Variants in PUM2 observed in about 807,000 individuals in gnomAD.
PUM2 encodes pumilio homolog 2.
In PUM2, 57 loss-of-function variants were observed where a neutral mutation model predicts 124.5. That is an observed-to-expected ratio of 0.46 (90% CI 0.37 to 0.57). The LOEUF is 0.57. Ranked by LOEUF, PUM2 falls within the 20% of genes least tolerant of loss-of-function variation. The pLI is 0.00. For missense variants in PUM2, 1,065 were observed against 1,290.6 expected, an observed-to-expected ratio of 0.83 and a Z score of 2.68; for synonymous variants, 460 against 446.1, an observed-to-expected ratio of 1.03 and a Z score of -0.39.
intron 8 of PUM2, among the ~76,000 whole-genome samples, chr2:20,295,398 C>T (rs1172672118): frequency 6.6e-6 from 1 of 152,016 alleles, no homozygotes; most frequent in Non-Finnish European, 1.5e-5. Context: ...CTCTCGGTTT[C>T]ACGTTGCATT....
At chr2:20,297,500 A>C (rs1675904114) in intron 8 of PUM2, 53 bp downstream of exon 8, 1 of 1,429,202 alleles carries the variant, frequency 7.0e-7, no homozygotes, top group South Asian at 1.5e-5. Flanking sequence ...TTACACCCAA[A>C]ACTAAATACA....
chr2:20,307,939 AC>A, intron 7 of PUM2, 38 bp downstream of exon 7: 1 of 1,587,812 alleles, frequency 6.3e-7, no homozygotes, highest in Non-Finnish European at 8.6e-7. Context: ...AGACATTTTA[AC>A]AAGACTTTGG....
intron 13 of PUM2, among the ~76,000 whole-genome samples, chr2:20,267,472 A>G (rs1022033315): frequency 6.6e-6 from 1 of 152,214 alleles, no homozygotes; most frequent in Admixed American, 6.5e-5. Context: ...TTTTCCCATT[A>G]GTCTCAAATT....
At chr2:20,281,521 T>A (rs1268862941) in intron 12 of PUM2, among the ~76,000 whole-genome samples, 1 of 152,214 alleles carries the variant, frequency 6.6e-6, no homozygotes, top group African/African-American at 2.4e-5. Flanking sequence ...ATTTAAAAAC[T>A]ATTTCCACAA....
At chr2:20,262,665 A>G (rs1480233420) in intron 14 of PUM2, among the ~76,000 whole-genome samples, 1 of 152,270 alleles carries the variant, frequency 6.6e-6, no homozygotes, top group Non-Finnish European at 1.5e-5. Context: ...TCTTAAATTT[A>G]TCAAATGTGT....
Position 20,258,285 on chromosome 2 carries a change from G to A in PUM2, c.2442C>T (p.Arg814=), listed in dbSNP as rs371849716. Residue 814 remains arginine, a synonymous_variant, in exon 16 of 21, where the codon CGC becomes CGT. Transcript: ENST00000361078. ...TAGATTCTAATGCTTTCTGAATAAC[G>A]CGGCAGCCATACATCTGCAAGGCTA... ...LPLALQMYGC[R]VIQKALESIS... is the part of the protein sequence containing the mutation. The A allele has an allele frequency of 1.1e-5, 17 of 1,610,718 alleles. No homozygotes were observed. Among genetic ancestry groups the A allele is most frequent in the Admixed American group, 3.3e-5 (2 of 59,868 alleles).
Position 20,251,698 on chromosome 2 carries a change from T to A in PUM2, c.3082A>T (p.Thr1028Ser). The A allele has an allele frequency of 6.2e-7, 1 of 1,613,042 alleles. No individual in the cohort carries two copies. Among genetic ancestry groups the A allele is most frequent in the East Asian group, 2.2e-5 (1 of 44,858 alleles). Residue 1028 changes from threonine (T) to serine (S), a missense_variant, in exon 21 of 21, where the codon ACT (threonine) becomes TCT (serine). Transcript: ENST00000361078. ...IMHKIRPHIT[T>S]LRKYTYGKHI... ...TTCCCGTATGTGTATTTGCGCAAAGTAGTAATGTGAGGTCGAATCTGAAAA... is the reference window on the plus strand; with the variant it reads ...TTCCCGTATGTGTATTTGCGCAAAGAAGTAATGTGAGGTCGAATCTGAAAA...
chr2:20,345,845 C>G (rs925666051), intron 1 of PUM2, among the ~76,000 whole-genome samples: 2 of 152,178 alleles, frequency 1.3e-5, no homozygotes, highest in Non-Finnish European at 2.9e-5. Context: ...GTACTCCAGC[C>G]TGGGCAACAA....
At chr2:20,318,148 C>T (rs1276907084) in intron 3 of PUM2, among the ~76,000 whole-genome samples, 4 of 152,134 alleles carry the variant, frequency 2.6e-5, no homozygotes, top group African/African-American at 9.7e-5. Context: ...TTTACATTTC[C>T]ACTAGTAGTG....
intron 15 of PUM2, 78 bp downstream of exon 15, chr2:20,260,259 C>G: frequency 1.5e-6 from 2 of 1,369,532 alleles, no homozygotes; most frequent in Non-Finnish European, 1.9e-6. Context: ...ATGACTTTAC[C>G]CAACTTTCAG....
chr2:20,264,358 AAAAAAAAAAATATAT>A (rs1667055844), intron 13 of PUM2, among the ~76,000 whole-genome samples: 2 of 84,288 alleles, frequency 2.4e-5, no homozygotes, highest in African/African-American at 4.9e-5. Flanking sequence ...AAAAAAAAAA[AAAAAAAAAAATATAT>A]ATATATATAT....
Position 20,278,727 on chromosome 2 carries a change from T to C in PUM2, c.1813A>G (p.Ile605Val), listed in dbSNP as rs767110525. The change falls in exon 13 of 21, where the codon ATA becomes GTA. Residue 605 changes from isoleucine to valine, a missense_variant. Coordinates refer to ENST00000361078, the MANE Select transcript of PUM2 (RefSeq NM_015317.5). ...YKRSSSSLAP[I>V]GQPFYNSLGF... ...AGACTATTGTAAAATGGTTGCCCTA[T>C]GGGTGCTAGGCTGCTACTAGATCTT... 6.2e-6 allele frequency: 10 copies of C among 1,613,614 alleles called. No individual in the cohort carries two copies. The highest frequency in any genetic ancestry group is 8.5e-6 in the Non-Finnish European group (10 of 1,179,696).
At chr2:20,306,458 A>G (rs1678317949) in intron 7 of PUM2, among the ~76,000 whole-genome samples, 1 of 152,178 alleles carries the variant, frequency 6.6e-6, no homozygotes, top group African/African-American at 2.4e-5. Context: ...TGTGCTGTCC[A>G]TGAATAGACA....
intron 1 of PUM2, among the ~76,000 whole-genome samples, chr2:20,345,082 C>T (rs1358098442): frequency 6.8e-6 from 1 of 147,722 alleles, no homozygotes; most frequent in Non-Finnish European, 1.5e-5. Flanking sequence ...GTCCACAGCA[C>T]TTTTTTCTTT....
Position 20,338,729 on chromosome 2 carries a change from G to T in PUM2, c.-18-11351C>A, listed in dbSNP as rs995713761. The stretch of plus-strand genomic sequence containing the variant: ...GGAATACTAAGGATATAGTAATAGG[G>T]AAGGGAAATGATATAATACAAATAT... On this transcript the variant is annotated intron_variant, in intron 1 of 20. Coordinates refer to ENST00000361078, the MANE Select transcript of PUM2 (RefSeq NM_015317.5). Among the ~76,000 whole-genome samples the T allele has an allele frequency of 2.0e-5, 3 of 152,174 alleles. No individual in the cohort carries two copies. The East Asian group carries it at 5.8e-4, about 29-fold the overall frequency.
chr2:20,259,122 G>A (rs1206571510), intron 15 of PUM2, among the ~76,000 whole-genome samples: 3 of 152,042 alleles, frequency 2.0e-5, no homozygotes, highest in East Asian at 1.9e-4. Flanking sequence ...TTTAAAAATT[G>A]GCTAAACTGT....
chr2:20,253,149 T>C (rs1401436895), intron 20 of PUM2, among the ~76,000 whole-genome samples: 3 of 152,198 alleles, frequency 2.0e-5, no homozygotes, highest in Non-Finnish European at 2.9e-5. Flanking sequence ...AAAAGAACAA[T>C]GTAAAACATA....
chr2:20,288,929 T>A (rs188195873), intron 10 of PUM2, among the ~76,000 whole-genome samples: 28 of 152,014 alleles, frequency 1.8e-4, no homozygotes. Context: ...CTTATGAGAG[T>A]GGTTTTTTCG....
At chr2:20,272,071 A>C (rs908986368) in intron 13 of PUM2, among the ~76,000 whole-genome samples, 6 of 152,056 alleles carry the variant, frequency 3.9e-5, no homozygotes, top group Non-Finnish European at 7.4e-5. Flanking sequence ...AGGCAGGAGA[A>C]TCGCTTGAAC....
Sources: gnomAD v4.1 joint callset for allele counts (sites outside exome capture counted in the v4.1 genomes callset) on GRCh38, gnomAD v4.1.1 for gene constraint, MANE v1.5 for transcripts, NCBI Gene and HGNC (gene_info 2026-07-23, HGNC 2026-07-21) for gene names.